Variants in TMEM164 observed in about 807,000 individuals in gnomAD.
The protein encoded by TMEM164 is RP13-360B22.2.
Under a neutral mutation model 18.8 loss-of-function variants are expected in TMEM164, and 4 were observed. The observed-to-expected ratio is 0.21, with a 90% CI of 0.10 to 0.49. The LOEUF is 0.49. Ranked by LOEUF, TMEM164 falls within the 20% of genes least tolerant of loss-of-function variation. The pLI is 0.98. For synonymous variants in TMEM164, 86 were observed against 101.7 expected (o/e 0.85, Z 0.93); for missense variants, 108 against 239.9 (o/e 0.45, Z 3.63).
At chrX:110,116,823 TGTG>T (rs1382201346) in intron 4 of TMEM164, among the ~76,000 whole-genome samples, 8 of 63,142 alleles carry the variant, frequency 1.3e-4, no homozygotes, top group Admixed American at 8.1e-4. Flanking sequence ...GCCACTCCCT[TGTG>T]TGTGTGTGTG....
At chrX:110,062,546 T>C (rs1936164003) in intron 2 of TMEM164, among the ~76,000 whole-genome samples, 1 of 111,839 alleles carries the variant, frequency 8.9e-6, no homozygotes, top group Non-Finnish European at 1.9e-5. Context: ...CCTTTGAAGA[T>C]CTAGACTGTC....
intron 4 of TMEM164, among the ~76,000 whole-genome samples, chrX:110,133,596 T>C (rs1178274933): frequency 8.9e-6 from 1 of 111,986 alleles, no homozygotes; most frequent in Non-Finnish European, 1.9e-5. Flanking sequence ...ATTCAATGCA[T>C]GAATTTGGGG....
chrX:110,136,923 C>T (rs2066699395), intron 4 of TMEM164, among the ~76,000 whole-genome samples: 1 of 111,379 alleles, frequency 9.0e-6, no homozygotes, highest in Admixed American at 9.5e-5. Flanking sequence ...TAGTTTTCAT[C>T]TCTCTCCAGG....
chrX:110,143,492 G>A (rs1181856154), intron 4 of TMEM164, among the ~76,000 whole-genome samples: 1 of 111,575 alleles, frequency 9.0e-6, no homozygotes, highest in African/African-American at 3.3e-5. Flanking sequence ...TTCCCTTGGT[G>A]AGTGTAAAGT....
intron 2 of TMEM164, among the ~76,000 whole-genome samples, chrX:110,021,161 C>T (rs1286757786): frequency 9.2e-6 from 1 of 108,770 alleles, no homozygotes; most frequent in Non-Finnish European, 1.9e-5. Context: ...AGTGTAGATT[C>T]CTTTAGTAAT....
At chrX:110,084,923 T>G (rs2065828804) in intron 3 of TMEM164, among the ~76,000 whole-genome samples, 1 of 110,832 alleles carries the variant, frequency 9.0e-6, no homozygotes, top group Non-Finnish European at 1.9e-5. Flanking sequence ...CTGTATTTCT[T>G]TCTAGCTCTG....
intron 4 of TMEM164, among the ~76,000 whole-genome samples, chrX:110,133,573 T>A (rs756845673): frequency 1.8e-5 from 2 of 112,106 alleles, no homozygotes; most frequent in Non-Finnish European, 3.8e-5. Context: ...TACTGAGGTA[T>A]TGAGGGTGAG....
intron 2 of TMEM164, chrX:110,055,326 G>A (rs773246493): frequency 3.9e-5 from 15 of 381,322 alleles, no homozygotes; most frequent in African/African-American, 1.0e-4. Flanking sequence ...AAGCAGGGCC[G>A]CCACGAATGG....
At position 110,051,709 on chromosome X, in the gene TMEM164, G is replaced by T. The variant is rs185742574; in HGVS notation, c.391-15638G>T. ...AATCTTTCCAGTTGCTTGAAGAAGGGTTATCTGTATGGAGGAACAGCAGCT... is the reference window on the plus strand; with the variant it reads ...AATCTTTCCAGTTGCTTGAAGAAGGTTTATCTGTATGGAGGAACAGCAGCT... On this transcript the variant is annotated intron_variant, in intron 2 of 6. Transcript: ENST00000372068. 2.0e-4 allele frequency among the ~76,000 whole-genome samples: 22 copies of T among 112,136 alleles called. No individual in the cohort carries two copies. The East Asian group carries it at 5.9e-3, about 30-fold the overall frequency.
At chrX:110,124,172 A>AAGGAAGGAAGGAAGGCAGGCAGGC (rs1569339654) in intron 4 of TMEM164, among the ~76,000 whole-genome samples, 2 of 83,968 alleles carry the variant, frequency 2.4e-5, no homozygotes, top group African/African-American at 1.0e-4. Flanking sequence ...GGAAGGAAGG[A>AAGGAAGGAAGGAAGGCAGGCAGGC]AGGAAGGCAG....
intron 3 of TMEM164, among the ~76,000 whole-genome samples, chrX:110,077,447 T>C (rs1048541261): frequency 1.8e-5 from 2 of 111,859 alleles, no homozygotes; most frequent in African/African-American, 6.5e-5. Context: ...ACATTTAGAC[T>C]GTTTACATTC....
intron 3 of TMEM164, among the ~76,000 whole-genome samples, chrX:110,095,514 T>C (rs1244812382): frequency 1.8e-5 from 2 of 112,314 alleles, no homozygotes; most frequent in Non-Finnish European, 3.8e-5. Context: ...TCTCATGTCA[T>C]GGTTTTCAGC....
intron 4 of TMEM164, among the ~76,000 whole-genome samples, chrX:110,121,061 TAAAGA>T (rs1400206909): frequency 8.9e-6 from 1 of 112,070 alleles, no homozygotes; most frequent in South Asian, 3.6e-4. Flanking sequence ...AGACAAGTTA[TAAAGA>T]AAAGATACCA....
intron 4 of TMEM164, among the ~76,000 whole-genome samples, chrX:110,134,177 A>G (rs1295689579): frequency 4.5e-5 from 5 of 111,216 alleles, no homozygotes; most frequent in Admixed American, 9.5e-5. Context: ...GATGACCACA[A>G]CTCTGTTCCC....
chrX:110,036,103 G>A (rs748859637), intron 2 of TMEM164, among the ~76,000 whole-genome samples: 2 of 111,474 alleles, frequency 1.8e-5, no homozygotes, highest in Admixed American at 1.9e-4. Context: ...CTTTGTTAAG[G>A]TGATTGGAGA....
chrX:110,031,201 C>T (rs1401330683), intron 2 of TMEM164, among the ~76,000 whole-genome samples: 2 of 112,227 alleles, frequency 1.8e-5, no homozygotes, highest in Non-Finnish European at 3.8e-5. Context: ...TGATGGTTTC[C>T]AGCTTCATCC....
chrX:110,073,191 C>A (rs1262328736), intron 3 of TMEM164, among the ~76,000 whole-genome samples: 1 of 111,021 alleles, frequency 9.0e-6, no homozygotes, highest in African/African-American at 3.3e-5. Context: ...GCTGTGACAC[C>A]TAGCTAGGTA....
At chrX:110,037,729 G>T (rs1183154801) in intron 2 of TMEM164, among the ~76,000 whole-genome samples, 1 of 111,853 alleles carries the variant, frequency 8.9e-6, no homozygotes, top group Admixed American at 9.5e-5. Context: ...GTTCTCACTT[G>T]CCTGCTTCCT....
intron 2 of TMEM164, among the ~76,000 whole-genome samples, chrX:110,063,287 A>G (rs1199358679): frequency 9.0e-6 from 1 of 111,731 alleles, no homozygotes; most frequent in Non-Finnish European, 1.9e-5. Context: ...TCCCAATTAC[A>G]TTTCTCATAG....
Sources: allele counts gnomAD v4.1 joint callset (sites outside exome capture counted in the v4.1 genomes callset), GRCh38; gene constraint gnomAD v4.1.1; transcripts MANE v1.5; gene names NCBI Gene and HGNC (gene_info 2026-07-23, HGNC 2026-07-21).